The following PMP22 variants were observed in gnomAD, a reference collection of about 807,000 sequenced individuals.
PMP22 encodes the protein Charcot-Marie-Tooth neuropathy 1A (greatly reduced nerve conduction velocity, hereditary motor sensory neuropathy Ia).
In PMP22, 2 loss-of-function variants were observed where a neutral mutation model predicts 18.9. The observed-to-expected ratio is 0.11, with a 90% confidence interval of 0.04 to 0.33. The LOEUF (loss-of-function observed/expected upper bound fraction) is 0.33. Among genes scored for constraint, PMP22 ranks in the 10% least tolerant of loss-of-function variants. The pLI, the probability that PMP22 is intolerant of heterozygous loss-of-function variation, is 1.00. For missense variants in PMP22, 169 were observed against 202.2 expected (o/e 0.84, Z 1.00); for synonymous variants, 95 against 89.2 (o/e 1.07, Z -0.37).
chr17:15,255,490 G>A (rs190276845), intron 3 of PMP22, among the ~76,000 whole-genome samples: 1 of 152,004 alleles, frequency 6.6e-6, no homozygotes, highest in Admixed American at 6.5e-5. Context: ...AGATGGCAAA[G>A]AAATGAGCTA....
At position 15,236,913 on chromosome 17, in the gene PMP22, G is replaced by A. The variant is rs548693011; in HGVS notation, c.319+2558C>T. On this transcript the variant is annotated intron_variant, in intron 4 of 4. Transcript: ENST00000312280. Reference sequence around the variant, plus strand: ...GATGATCTTGACTGGGATTAACAACGGAGGACAGGACACTCTCAGGACTTA... The same window carrying A: ...GATGATCTTGACTGGGATTAACAACAGAGGACAGGACACTCTCAGGACTTA... 5.9e-5 allele frequency among the ~76,000 whole-genome samples: 9 copies of A among 152,264 alleles called. No homozygotes were observed. The South Asian group carries it at 1.5e-3, about 25-fold the overall frequency.
intron 4 of PMP22, 72 bp from the exon 5 acceptor site, chr17:15,231,152 A>C: frequency 1.4e-6 from 2 of 1,442,682 alleles, no homozygotes; most frequent in Admixed American, 3.4e-5. Context: ...GCCACCCCGG[A>C]TGCTGACAAT....
In PMP22 at chr17:15,260,776, C is replaced by T; in HGVS notation, c.-34-15G>A. On this transcript the variant is annotated splice_polypyrimidine_tract_variant and intron_variant, in intron 1 of 4. Transcript: ENST00000312280. ...GGAGTTTCTGCCTGCGAGGAGAGCG[C>T]TGGGCGTGAGGCCGAACGCACTGGG... 2.0e-6 allele frequency: 3 copies of T among 1,496,138 alleles called. No homozygotes were observed. The highest frequency in any genetic ancestry group is 2.7e-6 in the Non-Finnish European group (3 of 1,097,466). The allele number at this position is 1,496,138 out of a possible 1,614,324, so 92.7% of individuals were successfully genotyped here.
chr17:15,232,380 AAG>A (rs1399826015), intron 4 of PMP22: 18 of 152,232 alleles, frequency 1.2e-4, no homozygotes, highest in African/African-American at 3.6e-4. Context: ...GGAAGTTCAG[AAG>A]ACAGCAAAGA....
chr17:15,259,251 G>A, intron 2 of PMP22, 58 bp from the exon 3 acceptor site: 2 of 1,401,300 alleles, frequency 1.4e-6, no homozygotes, highest in African/African-American at 1.4e-5. Context: ...TGAAGGAAAA[G>A]GGGAAGGAGA....
chr17:15,259,950 A>AAAAAG (rs1365153097), intron 2 of PMP22, among the ~76,000 whole-genome samples: 56 of 151,876 alleles, frequency 3.7e-4, no homozygotes, highest in African/African-American at 1.3e-3. Context: ...AAAAAAAAAA[A>AAAAAG]AAAAAGAAAA....
chr17:15,232,091 G>A (rs922897263), intron 4 of PMP22, among the ~76,000 whole-genome samples: 7 of 151,838 alleles, frequency 4.6e-5, no homozygotes, highest in African/African-American at 1.7e-4. Context: ...TATGCCGTGT[G>A]GGATTCATGC....
At chr17:15,257,391 C>A (rs1908931200) in intron 3 of PMP22, among the ~76,000 whole-genome samples, 1 of 152,238 alleles carries the variant, frequency 6.6e-6, no homozygotes, top group Admixed American at 6.5e-5. Context: ...AACACGCCTG[C>A]CAAAACTGCC....
At chr17:15,254,858 C>G (rs1449907780) in intron 3 of PMP22, among the ~76,000 whole-genome samples, 1 of 152,204 alleles carries the variant, frequency 6.6e-6, no homozygotes, top group Non-Finnish European at 1.5e-5. Context: ...ACCCGGGAGG[C>G]TGAGGCAGGA....
chr17:15,243,788 C>A (rs899756398), intron 3 of PMP22, among the ~76,000 whole-genome samples: 1 of 147,008 alleles, frequency 6.8e-6, no homozygotes, highest in Non-Finnish European at 1.5e-5. Flanking sequence ...AATTATATAA[C>A]ATATAATTAT....
chr17:15,230,719 G>C lies in PMP22; in HGVS notation c.*198C>G, dbSNP rs767142484. On this transcript the variant is annotated 3_prime_UTR_variant, in exon 5 of 5. Coordinates refer to ENST00000312280, the MANE Select transcript of PMP22 (RefSeq NM_000304.4). ...AATACTATGTACATATATGTAAAAA[G>C]TGTTATAAATAGGTTTTATAAACCG... 8.1e-5 allele frequency: 49 copies of C among 605,234 alleles called. No individual in the cohort carries two copies. In the Admixed American group the frequency reaches 1.4e-3, roughly 17 times the overall value. 37.5% of individuals were successfully genotyped at this position (605,234 alleles called of 1,614,324 possible).
chr17:15,259,221 G>C (rs1249952293), intron 2 of PMP22, 28 bp from the exon 3 acceptor site: 2 of 1,549,364 alleles, frequency 1.3e-6, no homozygotes, highest in Non-Finnish European at 1.8e-6. Context: ...GATATCCTGA[G>C]TCAGGGAGGG....
chr17:15,247,396 T>C, intron 3 of PMP22, among the ~76,000 whole-genome samples: 1 of 152,130 alleles, frequency 6.6e-6, no homozygotes. Flanking sequence ...AAACTAAAGC[T>C]AAAGCTCTTT....
chr17:15,259,521 T>C (rs1909126676), intron 2 of PMP22, among the ~76,000 whole-genome samples: 1 of 152,168 alleles, frequency 6.6e-6, no homozygotes, highest in East Asian at 1.9e-4. Context: ...GTCTATTTCC[T>C]TGTTTATAGC....
Position 15,230,915 on chromosome 17 carries a change from C to A in PMP22, c.*2G>T, listed in dbSNP as rs1487418732. 1.2e-6 allele frequency: 2 copies of A among 1,613,768 alleles called. No homozygotes were observed. The highest frequency in any genetic ancestry group is 3.3e-5 in the Admixed American group (2 of 60,014). On this transcript the variant is annotated 3_prime_UTR_variant, in exon 5 of 5. Transcript: ENST00000312280. ...GAGCCTCAGACAGACCGTCTGGGCGCCTCATTCGCGTTTCCGCAAGATCAC... is the reference window on the plus strand; with the variant it reads ...GAGCCTCAGACAGACCGTCTGGGCGACTCATTCGCGTTTCCGCAAGATCAC...
At chr17:15,264,840 A>G (rs1202104920) in intron 1 of PMP22, among the ~76,000 whole-genome samples, 1 of 152,168 alleles carries the variant, frequency 6.6e-6, no homozygotes, top group Non-Finnish European at 1.5e-5. Context: ...TACCAAGGCC[A>G]CCTGCCAGCT....
intron 4 of PMP22, among the ~76,000 whole-genome samples, chr17:15,235,053 TA>T (rs2150670031): frequency 6.6e-6 from 1 of 152,260 alleles, no homozygotes; most frequent in South Asian, 2.1e-4. Flanking sequence ...CTCCTGGCTT[TA>T]AGCAATCCTC....
chr17:15,243,865 T>G (rs1430471399), intron 3 of PMP22, among the ~76,000 whole-genome samples: 1 of 150,834 alleles, frequency 6.6e-6, no homozygotes. Flanking sequence ...GTTTTAGCAA[T>G]TCAAAAATAT....
chr17:15,235,646 G>T (rs762980611), intron 4 of PMP22, among the ~76,000 whole-genome samples: 4 of 152,296 alleles, frequency 2.6e-5, no homozygotes, highest in Non-Finnish European at 5.9e-5. Context: ...TATGTCAGTG[G>T]TTCCCAACCC....
Sources: gnomAD v4.1 joint callset for allele counts (sites outside exome capture counted in the v4.1 genomes callset) on GRCh38, gnomAD v4.1.1 for gene constraint, MANE v1.5 for transcripts, NCBI Gene and HGNC (gene_info 2026-07-23, HGNC 2026-07-21) for gene names.